The following CYTH1 variants were observed in gnomAD, a reference collection of about 807,000 sequenced individuals.
CYTH1 encodes the protein cytohesin-1.
CYTH1 carries 18 observed loss-of-function variants against 61.8 expected under a neutral mutation model. That is an observed-to-expected ratio of 0.29 (90% CI 0.20 to 0.43). The LOEUF (loss-of-function observed/expected upper bound fraction) is 0.43, where lower values mean the gene tolerates loss of function less well. CYTH1 is among the 20% of genes least tolerant of loss of function. The pLI, the probability that CYTH1 is intolerant of heterozygous loss-of-function variation, is 1.00. For synonymous variants in CYTH1, 174 were observed against 184.3 expected (o/e 0.94, Z 0.45); for missense variants, 336 against 510.5 (o/e 0.66, Z 3.29).
chr17:78,679,845 T>C (rs1035261256), intron 13 of CYTH1, among the ~76,000 whole-genome samples: 4 of 152,150 alleles, frequency 2.6e-5, no homozygotes, highest in Admixed American at 6.5e-5. Context: ...ATGACTACTA[T>C]CTCCTCTGAG....
chr17:78,739,187 TAC>T, intron 1 of CYTH1, among the ~76,000 whole-genome samples: 1 of 152,372 alleles, frequency 6.6e-6, no homozygotes, highest in African/African-American at 2.4e-5. Flanking sequence ...TATGAAATGT[TAC>T]AAATATTTTG....
chr17:78,776,993 C>T (rs754233147), intron 1 of CYTH1, among the ~76,000 whole-genome samples: 8 of 152,032 alleles, frequency 5.3e-5, no homozygotes, highest in South Asian at 4.2e-4. Context: ...GGCGTGGTGA[C>T]GCATGCCTGT....
intron 3 of CYTH1, among the ~76,000 whole-genome samples, chr17:78,703,769 C>T (rs915659905): frequency 1.3e-5 from 2 of 152,156 alleles, no homozygotes; most frequent in East Asian, 1.9e-4. Flanking sequence ...GTACTACATG[C>T]CTTCTTGCTG....
At chr17:78,739,941 C>CTTT (rs1206405948) in intron 1 of CYTH1, among the ~76,000 whole-genome samples, 1 of 126,576 alleles carries the variant, frequency 7.9e-6, no homozygotes, top group Non-Finnish European at 1.7e-5. Flanking sequence ...GCTATCTTTT[C>CTTT]TTTTTTTTTT....
chr17:78,731,923 G>A (rs994986304), intron 1 of CYTH1, among the ~76,000 whole-genome samples: 2 of 152,174 alleles, frequency 1.3e-5, no homozygotes, highest in Non-Finnish European at 2.9e-5. Context: ...AAAATTTCCA[G>A]GAGGTCTAGC....
chr17:78,767,144 C>T (rs1028574881), intron 1 of CYTH1, among the ~76,000 whole-genome samples: 5 of 152,138 alleles, frequency 3.3e-5, no homozygotes, highest in Non-Finnish European at 7.4e-5. Context: ...CACTTCATCC[C>T]AGTAGGTAAC....
chr17:78,736,774 G>A (rs2093322291), intron 1 of CYTH1: 3 of 362,732 alleles, frequency 8.3e-6, no homozygotes, highest in South Asian at 4.0e-5. Flanking sequence ...CAGGAGAGCG[G>A]TAACTTACTG....
chr17:78,676,171 T>C lies in CYTH1; in HGVS notation c.1119-2A>G. On this transcript the variant is annotated splice_acceptor_variant, in intron 13 of 13. Transcript: ENST00000446868. LOFTEE classifies it high-confidence loss of function. ...AAAGGGTCCCTGCTGATGGCTGCTC[T>C]GGAGCACAGAAAAGGGAGAAAACAG... The C allele has an allele frequency of 6.2e-7, 1 of 1,605,774 alleles. No homozygotes were observed. Among genetic ancestry groups the C allele is most frequent in the African/African-American group, 1.3e-5 (1 of 74,972 alleles).
rs1032598291 is a variant in CYTH1 at position 78,733,619 on chromosome 17, C to G, written c.23-23887G>C. On this transcript the variant is annotated intron_variant, in intron 1 of 13. Transcript: ENST00000446868. ...TGGGGACAGGCATGTAAGCCCGTAG[C>G]AGCAGCACACCCGGCCACAGCGGCC... Among the ~76,000 whole-genome samples, 39 of 152,266 alleles carry G rather than the reference C, an allele frequency of 2.6e-4. 1 individual carries two copies. The highest frequency in any genetic ancestry group is 9.4e-4 in the African/African-American group (39 of 41,470).
Position 78,700,542 on chromosome 17 carries a change from T to C in CYTH1, c.438-99A>G. 2.2e-6 allele frequency: 2 copies of C among 926,824 alleles called. No individual in the cohort carries two copies. The highest frequency in any genetic ancestry group is 3.2e-6 in the Non-Finnish European group (2 of 627,358). The allele number at this position is 926,824 out of a possible 1,614,324, so 57.4% of individuals were successfully genotyped here. A position where few individuals can be genotyped will look rare whatever the true frequency, so the allele number is the denominator to read the frequency against. On this transcript the variant is annotated intron_variant, in intron 6 of 13. Transcript: ENST00000446868. This position sits in a 1 kb window ranked among gnomAD's most constrained non-coding sequence, Gnocchi z 5.1. ...ATGATTTTTTTTTTCTTTTTTTTTTTGAGATGGAGTCTCACTCTGTCACCC... is the reference window on the plus strand; with the variant it reads ...ATGATTTTTTTTTTCTTTTTTTTTTCGAGATGGAGTCTCACTCTGTCACCC...
chr17:78,679,800 A>G (rs927426430), intron 13 of CYTH1, among the ~76,000 whole-genome samples: 4 of 152,184 alleles, frequency 2.6e-5, no homozygotes, highest in Admixed American at 2.6e-4. Context: ...GTAGCTAGGA[A>G]AATGGTGTCT....
At chr17:78,778,818 A>T (rs1408774290) in intron 1 of CYTH1, among the ~76,000 whole-genome samples, 2 of 152,144 alleles carry the variant, frequency 1.3e-5, no homozygotes, top group Non-Finnish European at 2.9e-5. Context: ...AAAAGAAAAC[A>T]ATGGAAGTTC....
chr17:78,747,122 G>C (rs2093362203), intron 1 of CYTH1, among the ~76,000 whole-genome samples: 1 of 123,730 alleles, frequency 8.1e-6, no homozygotes, highest in Non-Finnish European at 1.6e-5. Context: ...GAGTTCATTG[G>C]AGGACACAGG....
chr17:78,694,798 T>C (rs2092922491), intron 10 of CYTH1, among the ~76,000 whole-genome samples: 1 of 152,136 alleles, frequency 6.6e-6, no homozygotes, highest in Non-Finnish European at 1.5e-5. Flanking sequence ...CTCTGCCTGA[T>C]TACAAAAGCT....
intron 1 of CYTH1, among the ~76,000 whole-genome samples, chr17:78,759,098 G>C (rs1012944235): frequency 1.3e-5 from 2 of 152,132 alleles, no homozygotes; most frequent in Non-Finnish European, 2.9e-5. Context: ...GTGAGATCCT[G>C]TCTCAAAACA....
At chr17:78,693,166 T>C (rs2092905826) in intron 10 of CYTH1, among the ~76,000 whole-genome samples, 1 of 152,214 alleles carries the variant, frequency 6.6e-6, no homozygotes, top group African/African-American at 2.4e-5. Flanking sequence ...CAACTCGTAC[T>C]GAGAGGTGGC....
At chr17:78,703,484 T>C (rs747305642) in intron 3 of CYTH1, among the ~76,000 whole-genome samples, 3 of 151,882 alleles carry the variant, frequency 2.0e-5, no homozygotes, top group Non-Finnish European at 2.9e-5. Flanking sequence ...TAGGTACATA[T>C]TTGAATTTTT....
intron 1 of CYTH1, among the ~76,000 whole-genome samples, chr17:78,768,288 G>T (rs988650305): frequency 1.3e-5 from 2 of 152,014 alleles, no homozygotes; most frequent in African/African-American, 4.8e-5. Flanking sequence ...TTCAGTGGTG[G>T]TATTCCAAGA....
intron 11 of CYTH1, among the ~76,000 whole-genome samples, chr17:78,681,901 GCCATTTCC>G (rs1479946471): frequency 1.3e-5 from 2 of 151,256 alleles, no homozygotes; most frequent in African/African-American, 4.9e-5. Context: ...GAGTCTTTCA[GCCATTTCC>G]CCATCCTGGC....
Sources: gnomAD v4.1 joint callset for allele counts (sites outside exome capture counted in the v4.1 genomes callset) on GRCh38, gnomAD v4.1.1 for gene constraint, Gnocchi (gnomAD v3.1) non-coding constraint, MANE v1.5 for transcripts, NCBI Gene and HGNC (gene_info 2026-07-23, HGNC 2026-07-21) for gene names.